The following CADPS2 variants were observed in gnomAD, a reference collection of about 807,000 sequenced individuals.
CADPS2 encodes the protein calcium dependent secretion activator 2, also known as calcium-dependent secretion activator 2.
CADPS2 carries 93 observed loss-of-function variants against 172.5 expected under a neutral mutation model. The ratio of observed to expected loss-of-function variants is 0.54; its 90% CI spans 0.46 to 0.64. The LOEUF is 0.64. Among genes scored for constraint, CADPS2 ranks in the 30% least tolerant of loss-of-function variants. The pLI is 0.00. For synonymous variants in CADPS2, 546 were observed against 555.2 expected (o/e 0.98, Z 0.23); for missense variants, 1,420 against 1,565.9 (o/e 0.91, Z 1.57).
intron 14 of CADPS2, among the ~76,000 whole-genome samples, chr7:122,461,097 A>T (rs2054380423): frequency 6.6e-6 from 1 of 152,220 alleles, no homozygotes; most frequent in Admixed American, 6.5e-5. Context: ...AGCCCAAAAT[A>T]GTTGTCATGT....
chr7:122,737,453 C>T (rs572465274), intron 1 of CADPS2, among the ~76,000 whole-genome samples: 2 of 152,266 alleles, frequency 1.3e-5, no homozygotes, highest in East Asian at 1.9e-4. Flanking sequence ...TCAAATGATC[C>T]GCCTGCCTTG....
chr7:122,691,107 A>G (rs1035030941), intron 2 of CADPS2, among the ~76,000 whole-genome samples: 1 of 152,230 alleles, frequency 6.6e-6, no homozygotes, highest in African/African-American at 2.4e-5. Context: ...TCACTTCACT[A>G]AAGTGGATGT....
intron 6 of CADPS2, among the ~76,000 whole-genome samples, chr7:122,598,894 G>C (rs1186052959): frequency 6.6e-6 from 1 of 152,068 alleles, no homozygotes; most frequent in Non-Finnish European, 1.5e-5. Context: ...GATAAAAAGA[G>C]AGACAACTAG....
chr7:122,649,365 C>T (rs992865067), intron 3 of CADPS2, among the ~76,000 whole-genome samples: 9 of 152,146 alleles, frequency 5.9e-5, no homozygotes, highest in Non-Finnish European at 1.3e-4. Flanking sequence ...CCCAAACCAG[C>T]TCTATTTCCT....
At chr7:122,497,933 T>C (rs563872861) in intron 9 of CADPS2, among the ~76,000 whole-genome samples, 4 of 152,284 alleles carry the variant, frequency 2.6e-5, no homozygotes, top group South Asian at 4.1e-4. Flanking sequence ...AAAAGACTTA[T>C]GAAAGTTCAA....
At chr7:122,538,774 G>A (rs2062604414) in intron 8 of CADPS2, among the ~76,000 whole-genome samples, 1 of 151,982 alleles carries the variant, frequency 6.6e-6, no homozygotes, top group Non-Finnish European at 1.5e-5. Context: ...TATACATAGT[G>A]GAGAAATTCT....
intron 1 of CADPS2, among the ~76,000 whole-genome samples, chr7:122,749,961 T>TAAAAAAAAAAAAA (rs34910927): frequency 1.5e-5 from 2 of 133,946 alleles, no homozygotes. Context: ...CCTGTGAGGT[T>TAAAAAAAAAAAAA]AAAAAAAAAA....
intron 6 of CADPS2, among the ~76,000 whole-genome samples, chr7:122,602,715 C>A (rs1270347867): frequency 2.0e-5 from 3 of 151,988 alleles, no homozygotes; most frequent in Non-Finnish European, 4.4e-5. Flanking sequence ...AAACAACTTC[C>A]TGTATTCTCT....
intron 9 of CADPS2, among the ~76,000 whole-genome samples, chr7:122,492,351 C>A (rs140289910): frequency 1.3e-5 from 2 of 152,188 alleles, no homozygotes; most frequent in African/African-American, 2.4e-5. Flanking sequence ...CCTCTTAATT[C>A]TTCTTGTCTT....
chr7:122,328,132 G>GACACACACACACACAC (rs71159790), intron 28 of CADPS2, among the ~76,000 whole-genome samples: 81 of 145,684 alleles, frequency 5.6e-4, no homozygotes, highest in African/African-American at 1.6e-3. Flanking sequence ...GTAAAATGCA[G>GACACACACACACACAC]ACACACACAC....
intron 7 of CADPS2, among the ~76,000 whole-genome samples, chr7:122,579,002 A>G (rs1254235278): frequency 6.6e-6 from 1 of 152,136 alleles, no homozygotes; most frequent in Non-Finnish European, 1.5e-5. Flanking sequence ...TTATGGGGAT[A>G]CAAGTCATAA....
At chr7:122,612,724 G>T (rs2074442961) in intron 6 of CADPS2, among the ~76,000 whole-genome samples, 1 of 151,948 alleles carries the variant, frequency 6.6e-6, no homozygotes, top group African/African-American at 2.4e-5. Context: ...TCAAATTTCA[G>T]AATAGCCAAA....
chr7:122,400,509 T>C (rs1426096079), intron 20 of CADPS2, among the ~76,000 whole-genome samples: 1 of 152,160 alleles, frequency 6.6e-6, no homozygotes, highest in East Asian at 1.9e-4. Context: ...AGAACAGTAC[T>C]GTGGAATTCA....
intron 25 of CADPS2, among the ~76,000 whole-genome samples, chr7:122,378,511 G>A (rs955236126): frequency 1.3e-5 from 2 of 151,968 alleles, no homozygotes; most frequent in African/African-American, 4.8e-5. Context: ...ATGTTCATGG[G>A]GCAGCTCTAT....
intron 6 of CADPS2, among the ~76,000 whole-genome samples, chr7:122,584,841 C>CA (rs765998266): frequency 5.3e-5 from 8 of 151,822 alleles, no homozygotes; most frequent in Middle Eastern, 3.4e-3. Context: ...TTTATTACAT[C>CA]AGATTAGATA....
intron 6 of CADPS2, among the ~76,000 whole-genome samples, chr7:122,597,600 G>A (rs1326452791): frequency 6.6e-6 from 1 of 152,070 alleles, no homozygotes; most frequent in Non-Finnish European, 1.5e-5. Context: ...TCTCTGAAAT[G>A]AATCTCTTAT....
intron 1 of CADPS2, among the ~76,000 whole-genome samples, chr7:122,863,510 A>G (rs1817504070): frequency 6.6e-6 from 1 of 152,220 alleles, no homozygotes; most frequent in Admixed American, 6.5e-5. Flanking sequence ...TCTACTAGGG[A>G]GTATTAATAT....
chr7:122,405,131 CAAA>C, intron 20 of CADPS2, among the ~76,000 whole-genome samples: 1 of 150,848 alleles, frequency 6.6e-6, no homozygotes, highest in South Asian at 2.1e-4. Context: ...AAACAAAAAA[CAAA>C]AAAACAAAAC....
At chr7:122,472,542 C>T (rs1229665099) in intron 13 of CADPS2, among the ~76,000 whole-genome samples, 2 of 152,144 alleles carry the variant, frequency 1.3e-5, no homozygotes, top group Non-Finnish European at 2.9e-5. Context: ...CTAGGCAAAT[C>T]ACACTCACTC....
Sources: allele counts gnomAD v4.1 joint callset (sites outside exome capture counted in the v4.1 genomes callset), GRCh38; gene constraint gnomAD v4.1.1; transcripts MANE v1.5; gene names NCBI Gene and HGNC (gene_info 2026-07-23, HGNC 2026-07-21).